WDFY3: variants seen among roughly 807,000 people sequenced by gnomAD.
The protein encoded by WDFY3 is WD repeat and FYVE domain containing 3.
A neutral mutation model predicts 409.6 loss-of-function variants in WDFY3; 66 were observed. The ratio of observed to expected loss-of-function variants is 0.16; its 90% CI spans 0.13 to 0.20. WDFY3 has a LOEUF of 0.20. Among genes scored for constraint, WDFY3 ranks in the 10% least tolerant of loss-of-function variants. WDFY3 has a pLI of 1.00. For missense variants in WDFY3, 3,031 were observed against 4,298.1 expected, an observed-to-expected ratio of 0.71 and a Z score of 8.24; for synonymous variants, 1,521 against 1,537.1, an observed-to-expected ratio of 0.99 and a Z score of 0.25.
In WDFY3 at chr4:84,683,997, G is replaced by A. The variant is rs372610350; in HGVS notation, c.9672C>T (p.Asn3224=). ...CTATGACGTTCTGCGTGTCCCATTC[G>A]TTCATCTCCGACATGCAGCAGCAGA... ...QIICCCMSEM[N]EWDTQNVIVT... Residue 3224 remains asparagine, a synonymous_variant, in exon 63 of 68, where the codon AAC becomes AAT. Transcript: ENST00000295888. 2.4e-5 allele frequency: 38 copies of A among 1,613,046 alleles called. No homozygotes were observed. Among genetic ancestry groups the A allele is most frequent in the Middle Eastern group, 1.6e-4 (1 of 6,080 alleles).
intron 8 of WDFY3, among the ~76,000 whole-genome samples, chr4:84,831,206 A>G (rs1202295060): frequency 1.3e-5 from 2 of 151,866 alleles, no homozygotes; most frequent in African/African-American, 4.8e-5. Flanking sequence ...AAAAAAAGAA[A>G]TATCTATTGT....
intron 1 of WDFY3, among the ~76,000 whole-genome samples, chr4:84,949,967 T>C (rs969358868): frequency 1.3e-5 from 2 of 152,236 alleles, no homozygotes; most frequent in East Asian, 1.9e-4. Context: ...ATTGCAGCAC[T>C]ATTCACAATA....
At chr4:84,729,265 C>G (rs1344797354) in intron 44 of WDFY3, among the ~76,000 whole-genome samples, 1 of 151,592 alleles carries the variant, frequency 6.6e-6, no homozygotes, top group Non-Finnish European at 1.5e-5. Flanking sequence ...CATTATTTTC[C>G]TCCCTTAGGA....
At chr4:84,759,966 G>T (rs1375525018) in intron 32 of WDFY3, among the ~76,000 whole-genome samples, 9 of 151,776 alleles carry the variant, frequency 5.9e-5, no homozygotes, top group Non-Finnish European at 8.8e-5. Flanking sequence ...TTATTATTTT[G>T]AGATACGTCC....
intron 44 of WDFY3, among the ~76,000 whole-genome samples, chr4:84,730,085 G>A (rs1736331665): frequency 6.6e-6 from 1 of 152,078 alleles, no homozygotes; most frequent in Non-Finnish European, 1.5e-5. Context: ...ATGAAGTTAA[G>A]GTAGTTTAAA....
At chr4:84,693,666 G>GT (rs2148871625) in intron 58 of WDFY3, among the ~76,000 whole-genome samples, 1 of 152,276 alleles carries the variant, frequency 6.6e-6, no homozygotes, top group Non-Finnish European at 1.5e-5. Flanking sequence ...GGGAGACTGA[G>GT]GCAGGCGGAT....
chr4:84,763,429 A>T (rs966335265), intron 32 of WDFY3, among the ~76,000 whole-genome samples: 17 of 152,000 alleles, frequency 1.1e-4, no homozygotes, highest in Non-Finnish European at 2.4e-4. Context: ...TACCCAATGC[A>T]TGTGGGGCTT....
At chr4:84,684,297 C>T in intron 62 of WDFY3, among the ~76,000 whole-genome samples, 172 bp from the exon 63 acceptor site, 1 of 152,120 alleles carries the variant, frequency 6.6e-6, no homozygotes, top group East Asian at 1.9e-4. Context: ...AAAAAAAATA[C>T]TCCGAACAGA....
At chr4:84,965,138 G>A (rs910309482) in intron 1 of WDFY3, among the ~76,000 whole-genome samples, 1 of 151,990 alleles carries the variant, frequency 6.6e-6, no homozygotes, top group Non-Finnish European at 1.5e-5. Flanking sequence ...TCTGTTTTAT[G>A]TTATGTTTGT....
At chr4:84,859,837 A>C (rs989247170) in intron 4 of WDFY3, among the ~76,000 whole-genome samples, 1 of 152,216 alleles carries the variant, frequency 6.6e-6, no homozygotes, top group South Asian at 2.1e-4. Context: ...GGCTTCCTAA[A>C]GTGCTGGGAT....
At chr4:84,771,135 CT>C (rs557952717) in intron 30 of WDFY3, among the ~76,000 whole-genome samples, 3 of 152,050 alleles carry the variant, frequency 2.0e-5, no homozygotes, top group South Asian at 2.1e-4. Flanking sequence ...TTTTTCCCAC[CT>C]TTTTTTGTTT....
chr4:84,862,662 G>C (rs1469775776), intron 3 of WDFY3, among the ~76,000 whole-genome samples: 1 of 152,096 alleles, frequency 6.6e-6, no homozygotes, highest in East Asian at 1.9e-4. Context: ...TAGGACTTAG[G>C]GGATTCATGA....
At position 84,821,011 on chromosome 4, in the gene WDFY3, G is replaced by A. The variant is rs563231706; in HGVS notation, c.1591+73C>T. On this transcript the variant is annotated intron_variant, in intron 11 of 67. Transcript: ENST00000295888. ...TCATTGAAATCAATAACCAAAGAAT[G>A]GGAACAAGAACAAAAAATTCTCTGT... The A allele has an allele frequency of 5.6e-4, 748 of 1,337,074 alleles. 5 individuals are homozygous for A. The African/African-American group carries it at 9.8e-3, about 18-fold the overall frequency. 82.8% of individuals were successfully genotyped at this position (1,337,074 alleles called of 1,614,324 possible).
intron 66 of WDFY3, among the ~76,000 whole-genome samples, chr4:84,677,961 C>CAAAAAAAAA (rs986393073): frequency 1.4e-4 from 3 of 21,182 alleles, no homozygotes; most frequent in African/African-American, 3.5e-4. Context: ...GACCCTGTCT[C>CAAAAAAAAA]AAAAAAAAAA....
intron 1 of WDFY3, among the ~76,000 whole-genome samples, chr4:84,938,163 C>T (rs1771670185): frequency 6.6e-6 from 1 of 151,864 alleles, no homozygotes; most frequent in Admixed American, 6.6e-5. Context: ...GCTCCAATGC[C>T]TAAAAAAGAA....
At chr4:84,730,107 T>G (rs527433945) in intron 44 of WDFY3, among the ~76,000 whole-genome samples, 3 of 152,300 alleles carry the variant, frequency 2.0e-5, no homozygotes, top group African/African-American at 7.2e-5. Flanking sequence ...TTTAGTGGCC[T>G]TCACTTCCAT....
chr4:84,965,391 G>A (rs920357581), intron 1 of WDFY3, among the ~76,000 whole-genome samples: 8 of 152,228 alleles, frequency 5.3e-5, no homozygotes, highest in African/African-American at 1.9e-4. Context: ...GGAAGTCCAT[G>A]CAAGGGTTCA....
At chr4:84,945,426 T>C (rs188504215) in intron 1 of WDFY3, among the ~76,000 whole-genome samples, 21 of 152,334 alleles carry the variant, frequency 1.4e-4, no homozygotes, top group African/African-American at 4.8e-4. Context: ...AGCACCACCA[T>C]TCAAGATTAA....
rs1764715103 is a variant in WDFY3, at chr4:84,889,938, T to C, written c.-32+6973A>G. On this transcript the variant is annotated intron_variant, in intron 3 of 67. Coordinates refer to ENST00000295888, the MANE Select transcript of WDFY3 (RefSeq NM_014991.6). ...ATTCTTATAGCCAGTATATGATAAA[T>C]ATGGTGGGGATTGCAGCTCAAGATC... 3.3e-5 allele frequency among the ~76,000 whole-genome samples: 5 copies of C among 152,068 alleles called. No homozygotes were observed. The South Asian group carries it at 1.0e-3, about 32-fold the overall frequency.
Sources: allele counts gnomAD v4.1 joint callset (sites outside exome capture counted in the v4.1 genomes callset), GRCh38; gene constraint gnomAD v4.1.1; transcripts MANE v1.5; gene names NCBI Gene and HGNC (gene_info 2026-07-23, HGNC 2026-07-21).